The following TAFA2 variants were observed in gnomAD, a reference collection of about 807,000 sequenced individuals.
The protein encoded by TAFA2 is TAFA chemokine like family member 2.
Under a neutral mutation model 18.8 loss-of-function variants are expected in TAFA2, and 7 were observed. The ratio of observed to expected loss-of-function variants is 0.37; its 90% CI spans 0.21 to 0.70. TAFA2 has a LOEUF of 0.70. Ranked by LOEUF, TAFA2 falls within the 30% of genes least tolerant of loss-of-function variation. The pLI, the probability that TAFA2 is intolerant of heterozygous loss-of-function variation, is 0.53. For missense variants in TAFA2, 122 were observed against 158.1 expected, an observed-to-expected ratio of 0.77 and a Z score of 1.23; for synonymous variants, 60 against 54.2, an observed-to-expected ratio of 1.11 and a Z score of -0.47.
At chr12:62,073,676 G>C (rs533625054) in intron 1 of TAFA2, among the ~76,000 whole-genome samples, 1 of 152,080 alleles carries the variant, frequency 6.6e-6, no homozygotes, top group Admixed American at 6.6e-5. Flanking sequence ...CTTTAGGTCT[G>C]TTTAACTTCA....
At chr12:61,826,019 A>G (rs760918903) in intron 2 of TAFA2, among the ~76,000 whole-genome samples, 3 of 152,136 alleles carry the variant, frequency 2.0e-5, no homozygotes, top group Non-Finnish European at 4.4e-5. Context: ...CAATTTTCTG[A>G]CATACTTTCC....
intron 1 of TAFA2, among the ~76,000 whole-genome samples, chr12:61,881,405 AAC>A (rs1455886379): frequency 1.3e-5 from 2 of 152,226 alleles, no homozygotes; most frequent in African/African-American, 4.8e-5. Context: ...AGGCAACTGT[AAC>A]ACAATGGTAC....
intron 2 of TAFA2, among the ~76,000 whole-genome samples, chr12:61,789,804 C>A (rs1399462607): frequency 6.6e-6 from 1 of 151,760 alleles, no homozygotes; most frequent in East Asian, 1.9e-4. Flanking sequence ...GGAAGTAATA[C>A]CAACTCATCT....
At chr12:62,072,503 G>T (rs868447535) in intron 1 of TAFA2, among the ~76,000 whole-genome samples, 2 of 151,846 alleles carry the variant, frequency 1.3e-5, no homozygotes, top group African/African-American at 2.4e-5. Context: ...ATTCCAGGCC[G>T]GGCATGATGT....
chr12:62,226,174 A>G (rs990844468), intron 1 of TAFA2, among the ~76,000 whole-genome samples: 10 of 147,960 alleles, frequency 6.8e-5, no homozygotes, highest in African/African-American at 1.5e-4. Flanking sequence ...GTCTTGGTCT[A>G]TATCTTTCTC....
At chr12:61,715,473 C>T (rs1272641368) in intron 4 of TAFA2, among the ~76,000 whole-genome samples, 2 of 151,916 alleles carry the variant, frequency 1.3e-5, no homozygotes, top group Non-Finnish European at 2.9e-5. Flanking sequence ...CTCAGCCTCC[C>T]GAGTAGCTGG....
At chr12:61,881,524 T>C (rs1033147167) in intron 1 of TAFA2, among the ~76,000 whole-genome samples, 2 of 152,182 alleles carry the variant, frequency 1.3e-5, no homozygotes, top group African/African-American at 4.8e-5. Flanking sequence ...GGCCAAAACA[T>C]TGTATGCAGC....
intron 1 of TAFA2, among the ~76,000 whole-genome samples, chr12:61,998,910 T>TC (rs1880288503): frequency 6.6e-6 from 1 of 152,158 alleles, no homozygotes; most frequent in South Asian, 2.1e-4. Context: ...GAGATTCACC[T>TC]CCCGTATTGC....
At chr12:61,952,788 A>G (rs763956608) in intron 1 of TAFA2, among the ~76,000 whole-genome samples, 1 of 152,126 alleles carries the variant, frequency 6.6e-6, no homozygotes, top group Non-Finnish European at 1.5e-5. Flanking sequence ...TATCATTTAC[A>G]TGTCTCAGAA....
chr12:62,002,392 T>C (rs1377842688), intron 1 of TAFA2, among the ~76,000 whole-genome samples: 4 of 152,182 alleles, frequency 2.6e-5, no homozygotes, highest in Non-Finnish European at 5.9e-5. Context: ...CCTGCCTCCC[T>C]TGTGTCTCAA....
At chr12:61,811,808 G>A (rs764403929) in intron 2 of TAFA2, among the ~76,000 whole-genome samples, 7 of 151,300 alleles carry the variant, frequency 4.6e-5, no homozygotes, top group Non-Finnish European at 8.8e-5. Flanking sequence ...AACAGGAAAC[G>A]GATTAACAAA....
intron 1 of TAFA2, chr12:61,879,411 C>T (rs1875013626): frequency 7.1e-6 from 5 of 707,376 alleles, no homozygotes; most frequent in South Asian, 6.0e-5. Context: ...GTCCCGGTGC[C>T]CCCATCAGCT....
At chr12:61,732,922 T>A (rs752575471) in intron 4 of TAFA2, among the ~76,000 whole-genome samples, 4 of 152,000 alleles carry the variant, frequency 2.6e-5, no homozygotes, top group Non-Finnish European at 4.4e-5. Context: ...AGTCTGTCCA[T>A]GAGGAAATCT....
intron 1 of TAFA2, among the ~76,000 whole-genome samples, chr12:62,168,135 G>C (rs1310158782): frequency 1.3e-5 from 2 of 151,876 alleles, no homozygotes; most frequent in African/African-American, 4.8e-5. Context: ...TGTACCTCTG[G>C]GTAAGTGATT....
intron 1 of TAFA2, among the ~76,000 whole-genome samples, chr12:61,892,002 G>A (rs1325108919): frequency 6.6e-6 from 1 of 151,162 alleles, no homozygotes; most frequent in Non-Finnish European, 1.5e-5. Context: ...CTTGTAGGGG[G>A]TAAATGTAGC....
intron 4 of TAFA2, among the ~76,000 whole-genome samples, chr12:61,719,989 G>T (rs1009929395): frequency 6.6e-6 from 1 of 151,774 alleles, no homozygotes; most frequent in Admixed American, 6.6e-5. Flanking sequence ...ATTTTCTGAA[G>T]GATAGGGCAA....
chr12:62,141,383 C>T (rs567839988), intron 1 of TAFA2, among the ~76,000 whole-genome samples: 6 of 152,194 alleles, frequency 3.9e-5, no homozygotes, highest in South Asian at 4.1e-4. Flanking sequence ...CTGCTTGCCT[C>T]GAAGGTTCCA....
intron 1 of TAFA2, among the ~76,000 whole-genome samples, chr12:62,065,773 A>G (rs1196390861): frequency 6.6e-6 from 1 of 151,324 alleles, no homozygotes; most frequent in African/African-American, 2.4e-5. Context: ...AGTTCTGTAC[A>G]TATATTTCAC....
intron 2 of TAFA2, among the ~76,000 whole-genome samples, chr12:61,866,722 G>A (rs1874369715): frequency 6.6e-6 from 1 of 152,032 alleles, no homozygotes. Flanking sequence ...GTGTCCAAGT[G>A]GTGGTCAAAG....
Sources: allele counts gnomAD v4.1 joint callset (sites outside exome capture counted in the v4.1 genomes callset), GRCh38; gene constraint gnomAD v4.1.1; transcripts MANE v1.5; gene names NCBI Gene and HGNC (gene_info 2026-07-23, HGNC 2026-07-21).